The following EEPD1 variants were observed in gnomAD, a reference collection of about 807,000 sequenced individuals.
EEPD1 encodes the protein endonuclease/exonuclease/phosphatase family domain containing 1, also known as endonuclease/exonuclease/phosphatase family domain-containing protein 1.
A neutral mutation model predicts 46.3 loss-of-function variants in EEPD1; 17 were observed. The ratio of observed to expected loss-of-function variants is 0.37; its 90% CI spans 0.25 to 0.55. EEPD1 has a LOEUF of 0.55. EEPD1 is among the 20% of genes least tolerant of loss of function. EEPD1 has a pLI of 0.83. For missense variants in EEPD1, 673 were observed against 745.6 expected (o/e 0.90, Z 1.13); for synonymous variants, 313 against 315.6 (o/e 0.99, Z 0.09).
At chr7:36,268,179 C>A (rs200774259) in intron 3 of EEPD1, among the ~76,000 whole-genome samples, 13 of 152,132 alleles carry the variant, frequency 8.5e-5, no homozygotes, top group African/African-American at 2.6e-4. Flanking sequence ...TGAGACGGAG[C>A]CTTGCTCTGT....
At chr7:36,229,794 A>G (rs1334998087) in intron 2 of EEPD1, among the ~76,000 whole-genome samples, 2 of 152,122 alleles carry the variant, frequency 1.3e-5, no homozygotes, top group African/African-American at 4.8e-5. Context: ...TGCCGCTTCC[A>G]TAACAGCCTC....
chr7:36,207,299 C>T (rs1466519387), intron 2 of EEPD1, among the ~76,000 whole-genome samples: 1 of 152,140 alleles, frequency 6.6e-6, no homozygotes, highest in Non-Finnish European at 1.5e-5. Flanking sequence ...CCCATGATAT[C>T]AGGGGATGTT....
chr7:36,287,386 A>T (rs1029477340), intron 5 of EEPD1, among the ~76,000 whole-genome samples: 5 of 152,088 alleles, frequency 3.3e-5, no homozygotes, highest in Non-Finnish European at 1.5e-5. Context: ...CCAATCTTTT[A>T]GGCTCTAAGT....
At chr7:36,160,470 G>T (rs1254329145) in intron 2 of EEPD1, among the ~76,000 whole-genome samples, 1 of 146,730 alleles carries the variant, frequency 6.8e-6, no homozygotes, top group East Asian at 2.2e-4. Context: ...GGAGGAATTG[G>T]CAAGTGCAGA....
chr7:36,276,598 G>T (rs1162742409), intron 3 of EEPD1, among the ~76,000 whole-genome samples: 1 of 152,202 alleles, frequency 6.6e-6, no homozygotes, highest in Non-Finnish European at 1.5e-5. Flanking sequence ...AGCCAAAATA[G>T]TATTTGTTTG....
intron 3 of EEPD1, among the ~76,000 whole-genome samples, chr7:36,254,201 A>T (rs1431582686): frequency 1.3e-5 from 2 of 152,152 alleles, no homozygotes; most frequent in African/African-American, 2.4e-5. Flanking sequence ...ACATAGGTAT[A>T]CATGTGCCAT....
chr7:36,284,882 G>A (rs1583478676), intron 5 of EEPD1, 62 bp downstream of exon 5: 3 of 1,427,038 alleles, frequency 2.1e-6, no homozygotes, highest in East Asian at 5.4e-5. Flanking sequence ...AAAGAAAAGG[G>A]CTCATTTTGT....
intron 2 of EEPD1, among the ~76,000 whole-genome samples, chr7:36,230,304 T>G (rs568768367): frequency 1.3e-5 from 2 of 152,018 alleles, no homozygotes; most frequent in South Asian, 4.2e-4. Flanking sequence ...GGCCATATTT[T>G]TATTAGTTAC....
chr7:36,206,079 A>G (rs1156439086), intron 2 of EEPD1, among the ~76,000 whole-genome samples: 1 of 152,186 alleles, frequency 6.6e-6, no homozygotes, highest in Non-Finnish European at 1.5e-5. Context: ...AGCCCCACCC[A>G]CAGAAGCTTT....
intron 3 of EEPD1, among the ~76,000 whole-genome samples, chr7:36,261,130 A>ATGGG (rs1197348821): frequency 6.6e-6 from 1 of 152,112 alleles, no homozygotes; most frequent in Non-Finnish European, 1.5e-5. Flanking sequence ...GCATGGACGA[A>ATGGG]TGGGTGGGTG....
intron 2 of EEPD1, among the ~76,000 whole-genome samples, chr7:36,176,267 G>A (rs1031114731): frequency 2.6e-5 from 4 of 152,202 alleles, no homozygotes. Context: ...CTGGGGCGAG[G>A]ATGCTCAGTG....
intron 3 of EEPD1, among the ~76,000 whole-genome samples, chr7:36,275,557 C>T (rs1248807440): frequency 2.0e-5 from 3 of 152,198 alleles, no homozygotes; most frequent in Non-Finnish European, 2.9e-5. Flanking sequence ...AGCGAGTCTC[C>T]TGCCTCAGCT....
chr7:36,220,972 G>T (rs1786135199), intron 2 of EEPD1, among the ~76,000 whole-genome samples: 1 of 152,050 alleles, frequency 6.6e-6, no homozygotes, highest in African/African-American at 2.4e-5. Flanking sequence ...ACCACACCTG[G>T]CTAATTTTTG....
At chr7:36,282,061 A>G (rs1189523647) in intron 4 of EEPD1, among the ~76,000 whole-genome samples, 3 of 152,248 alleles carry the variant, frequency 2.0e-5, no homozygotes, top group Non-Finnish European at 4.4e-5. Context: ...AAAGAGGTAC[A>G]TGTAAATCTT....
rs1192490076 is a variant in EEPD1 at position 36,154,919 on chromosome 7, A to C, written c.595A>C (p.Arg199=). Residue 199 remains arginine (R), a synonymous_variant, in exon 2 of 8, where the codon AGG becomes CGG. Coordinates refer to ENST00000242108, the MANE Select transcript of EEPD1 (RefSeq NM_030636.3). This position sits in a 1 kb window ranked among gnomAD's most constrained non-coding sequence, Gnocchi z 4.2. ...DRIRHQVFAE[R]SRPPSTHTNG... is the part of the protein sequence containing the mutation. ...GATCCGGCACCAGGTGTTTGCTGAG[A>C]GGTCCAGGCCCCCATCCACCCACAC... 1 of 1,614,022 alleles carries C rather than the reference A, an allele frequency of 6.2e-7. No individual in the cohort carries two copies. Among genetic ancestry groups the C allele is most frequent in the Admixed American group, 1.7e-5 (1 of 60,020 alleles).
intron 3 of EEPD1, among the ~76,000 whole-genome samples, chr7:36,239,888 G>A (rs528714810): frequency 6.6e-6 from 1 of 152,300 alleles, no homozygotes; most frequent in East Asian, 1.9e-4. Context: ...AATCTGTGTT[G>A]CTAACATGAA....
chr7:36,236,346 G>A lies in EEPD1; in HGVS notation c.879-2639G>A, dbSNP rs1786439652. On this transcript the variant is annotated intron_variant, in intron 2 of 7. Coordinates refer to ENST00000242108, the MANE Select transcript of EEPD1 (RefSeq NM_030636.3). ...GGGCCACGGGTTCCAGGTGAGCGCGGGCTTGGCAAGCCCCGCACTAGGCGC... is the reference window on the plus strand; with the variant it reads ...GGGCCACGGGTTCCAGGTGAGCGCGAGCTTGGCAAGCCCCGCACTAGGCGC... 2.0e-5 allele frequency among the ~76,000 whole-genome samples: 3 copies of A among 152,232 alleles called. No homozygotes were observed. In the South Asian group the frequency reaches 6.2e-4, roughly 31 times the overall value.
At chr7:36,156,193 G>A (rs1784822550) in intron 2 of EEPD1, among the ~76,000 whole-genome samples, 1 of 152,160 alleles carries the variant, frequency 6.6e-6, no homozygotes, top group African/African-American at 2.4e-5. Context: ...GGGGGCAGCA[G>A]TTTGGTGACA....
chr7:36,171,422 T>G (rs1785078804), intron 2 of EEPD1, among the ~76,000 whole-genome samples: 1 of 152,230 alleles, frequency 6.6e-6, no homozygotes, highest in Non-Finnish European at 1.5e-5. Flanking sequence ...ATTTCACTTG[T>G]ACAAAACAAC....
Sources: allele counts gnomAD v4.1 joint callset (sites outside exome capture counted in the v4.1 genomes callset), GRCh38; gene constraint gnomAD v4.1.1; non-coding constraint Gnocchi (gnomAD v3.1); transcripts MANE v1.5; gene names NCBI Gene and HGNC (gene_info 2026-07-23, HGNC 2026-07-21).